The following PCDHA7 variants were observed in gnomAD, a reference collection of about 807,000 sequenced individuals.
PCDHA7 encodes protocadherin alpha-7.
A neutral mutation model predicts 57.2 loss-of-function variants in PCDHA7; 37 were observed. The ratio of observed to expected loss-of-function variants is 0.65; its 90% confidence interval spans 0.50 to 0.85. The LOEUF (loss-of-function observed/expected upper bound fraction) is 0.85. Ranked by LOEUF, PCDHA7 falls within the 40% of genes least tolerant of loss-of-function variation. The pLI is 0.00. For missense variants in PCDHA7, 1,188 were observed against 1,241.8 expected (o/e 0.96, Z 0.65); for synonymous variants, 553 against 558.8 (o/e 0.99, Z 0.15).
chr5:141,009,356 G>A (rs535761188), intron 3 of PCDHA7, among the ~76,000 whole-genome samples: 1 of 152,204 alleles, frequency 6.6e-6, no homozygotes, highest in Admixed American at 6.5e-5. Flanking sequence ...CTACTTGGGA[G>A]GCTAAGATGG....
chr5:141,009,178 G>A (rs1233603015), intron 3 of PCDHA7, among the ~76,000 whole-genome samples: 1 of 152,212 alleles, frequency 6.6e-6, no homozygotes, highest in African/African-American at 2.4e-5. Context: ...GCCTTGGCTG[G>A]GTGTGGTAGC....
chr5:140,916,747 G>A (rs1445361224), intron 1 of PCDHA7, among the ~76,000 whole-genome samples: 1 of 152,220 alleles, frequency 6.6e-6, no homozygotes, highest in Non-Finnish European at 1.5e-5. Context: ...TTCACTGCCT[G>A]GGATTAGGGG....
At chr5:140,850,732 G>C (rs1320738084) in intron 1 of PCDHA7, 1 of 1,597,956 alleles carries the variant, frequency 6.3e-7, no homozygotes, top group Non-Finnish European at 8.6e-7. Flanking sequence ...AGCGCGGTGG[G>C]GAGTTGGTCG....
At chr5:140,837,468 A>G (rs1775065496) in intron 1 of PCDHA7, among the ~76,000 whole-genome samples, 1 of 151,630 alleles carries the variant, frequency 6.6e-6, no homozygotes, top group African/African-American at 2.4e-5. Context: ...TTGCCTCCTC[A>G]AACCCCAAAC....
chr5:140,852,594 T>G (rs1554145952), intron 1 of PCDHA7: 2 of 893,746 alleles, frequency 2.2e-6, no homozygotes, highest in African/African-American at 3.6e-5. Flanking sequence ...TTTTTTTTTT[T>G]GTCATTTTCT....
intron 1 of PCDHA7, chr5:140,929,773 G>A (rs554286771): frequency 5.8e-6 from 1 of 173,032 alleles, no homozygotes; most frequent in East Asian, 1.8e-4. Context: ...AACCACAAAA[G>A]ATGTAAAAAT....
intron 3 of PCDHA7, among the ~76,000 whole-genome samples, chr5:140,983,533 G>A (rs1195364351): frequency 6.6e-6 from 1 of 152,208 alleles, no homozygotes; most frequent in Non-Finnish European, 1.5e-5. Flanking sequence ...TACATTGTAT[G>A]TGTGGTCTCA....
At chr5:140,935,178 G>C (rs2090229039) in intron 1 of PCDHA7, among the ~76,000 whole-genome samples, 2 of 152,146 alleles carry the variant, frequency 1.3e-5, no homozygotes, top group African/African-American at 4.8e-5. Context: ...GCTTATTGCT[G>C]CTGGGTCAGT....
At chr5:140,945,768 T>C (rs1212479192) in intron 1 of PCDHA7, among the ~76,000 whole-genome samples, 3 of 152,062 alleles carry the variant, frequency 2.0e-5, no homozygotes, top group African/African-American at 7.2e-5. Flanking sequence ...GTGGGACAAT[T>C]TGATATCCAG....
rs1451679036 is a variant in PCDHA7, at chr5:140,876,215, A to C, written c.2355+39477A>C. On this transcript the variant is annotated intron_variant, in intron 1 of 3. Coordinates refer to ENST00000525929, the MANE Select transcript of PCDHA7 (RefSeq NM_018910.3). ...CCGGCGTTTGATAAGCCCAGCTATA[A>C]AGTAGTGTTGTCTGAAAATGTCCAA... The C allele has an allele frequency of 1.2e-6, 2 of 1,613,890 alleles. No homozygotes were observed. The highest frequency in any genetic ancestry group is 1.7e-6 in the Non-Finnish European group (2 of 1,179,898).
chr5:140,900,634 A>G (rs918199903), intron 1 of PCDHA7, among the ~76,000 whole-genome samples: 7 of 152,152 alleles, frequency 4.6e-5, no homozygotes, highest in Non-Finnish European at 1.0e-4. Flanking sequence ...AATCTTGGCT[A>G]TTGTGAACAC....
chr5:140,960,597 C>T (rs1315375637), intron 1 of PCDHA7, among the ~76,000 whole-genome samples: 1 of 152,092 alleles, frequency 6.6e-6, no homozygotes, highest in South Asian at 2.1e-4. Context: ...ATTCAAGGTA[C>T]TTCAACAATA....
intron 1 of PCDHA7, among the ~76,000 whole-genome samples, chr5:140,907,969 A>C (rs1355560411): frequency 1.3e-5 from 2 of 152,204 alleles, no homozygotes; most frequent in African/African-American, 4.8e-5. Flanking sequence ...CCAATTTTCC[A>C]ATCATGCTTC....
At position 140,877,217 on chromosome 5, in the gene PCDHA7, C is replaced by T. The variant is rs571871387; in HGVS notation, c.2355+40479C>T. ...GGAGGCGCAGTTAGCGAGTTGGTAC[C>T]GCGGTCGGTGGGTGCGGGCCACGTG... On this transcript the variant is annotated intron_variant, in intron 1 of 3. Coordinates refer to ENST00000525929, the MANE Select transcript of PCDHA7 (RefSeq NM_018910.3). 144 of 1,613,624 alleles carry T rather than the reference C, an allele frequency of 8.9e-5. No individual in the cohort carries two copies. Among genetic ancestry groups the T allele is most frequent in the Non-Finnish European group, 1.2e-4 (138 of 1,179,784 alleles).
intron 3 of PCDHA7, among the ~76,000 whole-genome samples, chr5:141,007,375 A>G (rs2098319986): frequency 6.8e-6 from 1 of 146,418 alleles, no homozygotes; most frequent in Non-Finnish European, 1.5e-5. Context: ...ACATGATGGA[A>G]CACCATCTCT....
rs2098418669 is a variant in PCDHA7 at position 141,010,882 on chromosome 5, G to C, written c.*945G>C. On this transcript the variant is annotated 3_prime_UTR_variant, in exon 4 of 4. Transcript: ENST00000525929. ...GTCTATAGCTATAAATCTTTAAAGAGAAATATGAATACAATTCCCCTAAAC... is the reference window on the plus strand; with the variant it reads ...GTCTATAGCTATAAATCTTTAAAGACAAATATGAATACAATTCCCCTAAAC... The C allele has an allele frequency of 6.5e-6, 1 of 153,674 alleles. No homozygotes were observed. The allele number at this position is 153,674 out of a possible 1,614,324, so 9.5% of individuals were successfully genotyped here.
In PCDHA7 at chr5:140,834,474, C is replaced by T. The variant is rs1554134247; in HGVS notation, c.91C>T (p.Leu31Phe). 17 of 1,614,166 alleles carry T rather than the reference C, an allele frequency of 1.1e-5. No individual in the cohort carries two copies. Among genetic ancestry groups the T allele is most frequent in the Non-Finnish European group, 1.3e-5 (15 of 1,180,046 alleles). The change falls in exon 1 of 4, where the codon CTC (leucine) becomes TTC (phenylalanine). Residue 31 changes from leucine to phenylalanine, a missense_variant. Physicochemically the swap from Leu to Phe is conservative, Grantham distance 22. Coordinates refer to ENST00000525929, the MANE Select transcript of PCDHA7 (RefSeq NM_018910.3). Reference protein sequence around the residue: ...LAAWEAGRGQLHYSVPEEAKH... With the variant: ...LAAWEAGRGQFHYSVPEEAKH... ...AGCTTGGGAGGCAGGGAGAGGCCAGCTCCACTACTCGGTCCCCGAGGAGGC... is the reference window on the plus strand; with the variant it reads ...AGCTTGGGAGGCAGGGAGAGGCCAGTTCCACTACTCGGTCCCCGAGGAGGC...
chr5:140,891,281 G>A (rs1554184772), intron 1 of PCDHA7, among the ~76,000 whole-genome samples: 2 of 151,886 alleles, frequency 1.3e-5, no homozygotes, highest in African/African-American at 4.8e-5. Context: ...GTAAGTTATT[G>A]GGGGTACAGG....
intron 1 of PCDHA7, chr5:140,927,348 C>T (rs2153588187): frequency 1.2e-6 from 2 of 1,613,982 alleles, no homozygotes; most frequent in South Asian, 1.1e-5. Flanking sequence ...AAGATGACGA[C>T]GAGGGAAGCA....
Sources: gnomAD v4.1 joint callset for allele counts (sites outside exome capture counted in the v4.1 genomes callset) on GRCh38, gnomAD v4.1.1 for gene constraint, MANE v1.5 for transcripts, NCBI Gene and HGNC (gene_info 2026-07-23, HGNC 2026-07-21) for gene names.